Variants in DHX8 observed in about 807,000 individuals in gnomAD.
The protein encoded by DHX8 is DEAH-box helicase 8.
Under a neutral mutation model 140.7 loss-of-function variants are expected in DHX8, and 67 were observed. That is an observed-to-expected ratio of 0.48 (90% CI 0.39 to 0.58). DHX8 has a LOEUF of 0.58. Among genes scored for constraint, DHX8 ranks in the 20% least tolerant of loss-of-function variants. DHX8 has a pLI of 0.00. For synonymous variants in DHX8, 533 were observed against 553.2 expected, an observed-to-expected ratio of 0.96 and a Z score of 0.51; for missense variants, 887 against 1,550.7, an observed-to-expected ratio of 0.57 and a Z score of 7.19.
intron 16 of DHX8, among the ~76,000 whole-genome samples, chr17:43,508,967 A>G (rs920377801): frequency 2.0e-5 from 3 of 152,144 alleles, no homozygotes; most frequent in African/African-American, 7.2e-5. Context: ...GGTCCAACCA[A>G]TTTGTTTAGG....
At chr17:43,497,058 A>G (rs1006643695) in intron 9 of DHX8, among the ~76,000 whole-genome samples, 2 of 152,148 alleles carry the variant, frequency 1.3e-5, no homozygotes, top group African/African-American at 2.4e-5. Flanking sequence ...AAGCCCCTAC[A>G]TGCTCCCCTC....
In DHX8 at chr17:43,507,511, C is replaced by T; in HGVS notation, c.1932C>T (p.Tyr644=). The part of the protein sequence containing the change: ...FGCCLGQEVG[Y]TIRFEDCTSP... ...CTTCTCTTCTGCTTTAGGTGGGCTA[C>T]ACCATTCGATTTGAGGACTGCACTA... Residue 644 remains tyrosine, a synonymous_variant, in exon 14 of 23, where the codon TAC becomes TAT. Transcript: ENST00000262415. 6.2e-7 allele frequency: 1 copy of T among 1,613,750 alleles called. No homozygotes were observed. The highest frequency in any genetic ancestry group is 8.5e-7 in the Non-Finnish European group (1 of 1,179,912).
chr17:43,528,505 A>G (rs771500754), downstream of DHX8: 8 of 1,563,922 alleles, frequency 5.1e-6, no homozygotes, highest in South Asian at 1.1e-5. Flanking sequence ...GGCAGGGGGA[A>G]CAGCCGCTGG....
downstream of DHX8, chr17:43,527,742 G>C (rs185867856): frequency 9.7e-6 from 2 of 205,420 alleles, no homozygotes; most frequent in African/African-American, 2.3e-5. Context: ...GGATTTAAGC[G>C]CCAGGGCCTG....
In DHX8 at chr17:43,534,781, A is replaced by C. The variant is rs181898505; in HGVS notation, c.351-1631A>C. 2.5e-3 allele frequency among the ~76,000 whole-genome samples: 378 copies of C among 152,164 alleles called. 2 individuals are homozygous for C. The highest frequency in any genetic ancestry group is 8.9e-3 in the African/African-American group (370 of 41,514). On this transcript the variant is annotated intron_variant, in intron 2 of 3. Coordinates refer to the DHX8 transcript ENST00000589898. ...ATAGAGAAACCCCATCTCTACTAAA[A>C]TACAAAAAAATTAGCCGGGCGTGGT... is the stretch of plus-strand genomic sequence containing the variant.
intron 1 of DHX8, among the ~76,000 whole-genome samples, chr17:43,488,068 G>A (rs1012659508): frequency 3.3e-5 from 5 of 150,932 alleles, no homozygotes; most frequent in East Asian, 2.0e-4. Flanking sequence ...TCACAAGGTC[G>A]TGGGTTCGAG....
Position 43,524,133 on chromosome 17 carries a change from T to C in DHX8, c.*286T>C, listed in dbSNP as rs1021553051. On this transcript the variant is annotated 3_prime_UTR_variant, in exon 23 of 23. Coordinates refer to ENST00000262415, the MANE Select transcript of DHX8 (RefSeq NM_004941.3). ...TCAACTTCAAGAAAGGGACAATTTGTGCAGCTCCAGGATGGGAAGGTGGAG... is the reference window on the plus strand; with the variant it reads ...TCAACTTCAAGAAAGGGACAATTTGCGCAGCTCCAGGATGGGAAGGTGGAG... 7.1e-6 allele frequency: 9 copies of C among 1,259,818 alleles called. No individual in the cohort carries two copies. In the African/African-American group the frequency reaches 1.4e-4, roughly 19 times the overall value. 78.0% of individuals were successfully genotyped at this position (1,259,818 alleles called of 1,614,324 possible). A position where few individuals can be genotyped will look rare whatever the true frequency, so the allele number is the denominator to read the frequency against.
chr17:43,506,768 GAT>G (rs1332812204), intron 12 of DHX8, among the ~76,000 whole-genome samples: 2 of 152,152 alleles, frequency 1.3e-5, no homozygotes, highest in Admixed American at 6.5e-5. Flanking sequence ...TTTGGGGAAA[GAT>G]ATAGAAATTT....
intron 2 of DHX8, 42 bp from the exon 3 acceptor site, chr17:43,490,349 A>C: frequency 6.6e-7 from 1 of 1,516,788 alleles, no homozygotes; most frequent in Non-Finnish European, 9.1e-7. Context: ...TTAAGCACTG[A>C]TATGGGAGCT....
In DHX8 at chr17:43,508,334, C is replaced by A. The variant is rs934567052; in HGVS notation, c.2321-5C>A. The A allele has an allele frequency of 6.2e-7, 1 of 1,609,740 alleles. No homozygotes were observed. Among genetic ancestry groups the A allele is most frequent in the South Asian group, 1.1e-5 (1 of 90,300 alleles). On this transcript the variant is annotated splice_region_variant and splice_polypyrimidine_tract_variant and intron_variant, in intron 15 of 22. Coordinates refer to ENST00000262415, the MANE Select transcript of DHX8 (RefSeq NM_004941.3). Reference sequence around the variant, plus strand: ...AAGTAGATGAATGTTCTATTCTGCTCGTAGGTGATATCCTGGTCTTCCTGA... The same window carrying A: ...AAGTAGATGAATGTTCTATTCTGCTAGTAGGTGATATCCTGGTCTTCCTGA...
At chr17:43,519,554 G>A (rs1970272079) in intron 18 of DHX8, 1 of 147,654 alleles carries the variant, frequency 6.8e-6, no homozygotes, top group Non-Finnish European at 1.5e-5. Context: ...GTTTTATCAT[G>A]TTGCCTAGGC....
At position 43,532,769 on chromosome 17, in the gene DHX8, T is replaced by C. The variant is rs781057795; in HGVS notation, c.351-3643T>C. 7.8e-5 allele frequency: 126 copies of C among 1,613,942 alleles called. No individual in the cohort carries two copies. Among genetic ancestry groups the C allele is most frequent in the Admixed American group, 1.3e-4 (8 of 59,988 alleles). ...GACCCCACCCTGGTCCACGGCTGGC[T>C]GGCCCGCCTGTTCATACAGGGGATC... On this transcript the variant is annotated intron_variant, in intron 2 of 3. Transcript: ENST00000589898.
intron 16 of DHX8, 85 bp downstream of exon 16, chr17:43,508,605 G>A: frequency 1.1e-6 from 1 of 899,366 alleles, no homozygotes. Context: ...GATTGCTTAG[G>A]GTGTATGCAA....
At chr17:43,519,297 C>G (rs1970259863) in intron 18 of DHX8, 1 of 152,182 alleles carries the variant, frequency 6.6e-6, no homozygotes, top group Non-Finnish European at 1.5e-5. Flanking sequence ...TATAGCCATC[C>G]TAGTGGGTAT....
chr17:43,508,144 CA>C, intron 15 of DHX8, 125 bp downstream of exon 15: 1 of 1,152,758 alleles, frequency 8.7e-7, no homozygotes, highest in African/African-American at 1.6e-5. Flanking sequence ...CATCTCTCTG[CA>C]AGCCTCAGGC....
chr17:43,512,935 T>C (rs1969925709), intron 16 of DHX8, among the ~76,000 whole-genome samples: 1 of 152,044 alleles, frequency 6.6e-6, no homozygotes, highest in Non-Finnish European at 1.5e-5. Flanking sequence ...TACAAGCAGC[T>C]CATTTTTTAG....
rs1567677683 is a variant in DHX8 at position 43,493,495 on chromosome 17, G to A, written c.914G>A (p.Arg305His). The change falls in exon 7 of 23, where the codon CGT (arginine) becomes CAT (histidine). Residue 305 changes from arginine (R) to histidine (H), a missense_variant. This residue lies in a region of DHX8 where 98 missense variants were observed against 152.7 expected (regional missense o/e 0.64). Coordinates refer to ENST00000262415, the MANE Select transcript of DHX8 (RefSeq NM_004941.3). Reference sequence around the variant, plus strand: ...ATCTCTGAGCTCCGGCGGGAGGGTCGTGTGGCCAATGTAGCTGATGTCGTG... The same window carrying A: ...ATCTCTGAGCTCCGGCGGGAGGGTCATGTGGCCAATGTAGCTGATGTCGTG... ...VHISELRREG[R>H]VANVADVVSK... is the part of the protein sequence containing the mutation. 2 of 1,614,190 alleles carry A rather than the reference G, an allele frequency of 1.2e-6. No homozygotes were observed. Among genetic ancestry groups the A allele is most frequent in the South Asian group, 1.1e-5 (1 of 91,076 alleles).
rs773125487 is a variant in DHX8 at position 43,522,087 on chromosome 17, C to A, written c.3304C>A (p.Arg1102=). Residue 1102 remains arginine (R), a synonymous_variant, in exon 22 of 23, where the codon CGA becomes AGA. Transcript: ENST00000262415. The part of the protein sequence containing the change: ...DVVSCGKSTV[R]VQKAICSGFF... Reference sequence around the variant, plus strand: ...TGTTTCCTGTGGCAAGTCCACAGTCCGAGTGCAGAAGGCCATCTGCAGTGG... The same window carrying A: ...TGTTTCCTGTGGCAAGTCCACAGTCAGAGTGCAGAAGGCCATCTGCAGTGG... 21 of 1,613,936 alleles carry A rather than the reference C, an allele frequency of 1.3e-5. No homozygotes were observed. In the South Asian group the frequency reaches 2.3e-4, roughly 18 times the overall value.
chr17:43,487,975 A>C (rs986563796), intron 1 of DHX8, among the ~76,000 whole-genome samples: 1 of 151,688 alleles, frequency 6.6e-6, no homozygotes, highest in African/African-American at 2.4e-5. Flanking sequence ...AGACTGTTAA[A>C]AAAAAATGAA....
Sources: allele counts gnomAD v4.1 joint callset (sites outside exome capture counted in the v4.1 genomes callset), GRCh38; gene constraint gnomAD v4.1.1; regional missense constraint gnomAD v4.1.1; transcripts MANE v1.5; gene names NCBI Gene and HGNC (gene_info 2026-07-23, HGNC 2026-07-21).